The following ANO10 variants were observed in gnomAD, a reference collection of about 807,000 sequenced individuals.
ANO10 encodes the protein anoctamin-10.
Under a neutral mutation model 74.7 loss-of-function variants are expected in ANO10, and 77 were observed. That is an observed-to-expected ratio of 1.03 (90% CI 0.86 to 1.25). The LOEUF is 1.25. ANO10 is among the 50% of genes most tolerant of loss of function. The pLI, the probability that ANO10 is intolerant of heterozygous loss-of-function variation, is 0.00. For synonymous variants in ANO10, 279 were observed against 284.9 expected, an observed-to-expected ratio of 0.98 and a Z score of 0.21; for missense variants, 721 against 778.1, an observed-to-expected ratio of 0.93 and a Z score of 0.87.
intron 1 of ANO10, among the ~76,000 whole-genome samples, chr3:43,613,266 A>G (rs1223570631): frequency 6.6e-6 from 1 of 152,224 alleles, no homozygotes; most frequent in East Asian, 1.9e-4. Context: ...GGTTCAATGA[A>G]GGAAATCAGA....
intron 12 of ANO10, among the ~76,000 whole-genome samples, chr3:43,418,543 T>G (rs1458034961): frequency 6.6e-6 from 1 of 152,208 alleles, no homozygotes; most frequent in Non-Finnish European, 1.5e-5. Context: ...GAACCCCAAC[T>G]TACTCATCAC....
chr3:43,422,397 T>C (rs1478640260), intron 12 of ANO10, among the ~76,000 whole-genome samples: 2 of 152,160 alleles, frequency 1.3e-5, no homozygotes, highest in Non-Finnish European at 2.9e-5. Context: ...TTACAGGTGT[T>C]AGCCACCGCG....
chr3:43,526,696 G>GC (rs1034806365), intron 11 of ANO10, among the ~76,000 whole-genome samples: 1 of 152,054 alleles, frequency 6.6e-6, no homozygotes. Context: ...ACTTCATTCA[G>GC]CCTAACATTC....
intron 9 of ANO10, among the ~76,000 whole-genome samples, chr3:43,556,516 C>T (rs773608262): frequency 1.1e-4 from 16 of 152,160 alleles, no homozygotes; most frequent in Non-Finnish European, 1.8e-4. Context: ...TACACGTTAA[C>T]ACTGTATCAG....
intron 4 of ANO10, among the ~76,000 whole-genome samples, chr3:43,592,840 C>T (rs1168871054): frequency 6.6e-6 from 1 of 152,122 alleles, no homozygotes; most frequent in Non-Finnish European, 1.5e-5. Flanking sequence ...CCATCGCAAA[C>T]AAGCTAAAAA....
chr3:43,546,673 G>A (rs956699717), intron 11 of ANO10, among the ~76,000 whole-genome samples: 1 of 151,742 alleles, frequency 6.6e-6, no homozygotes, highest in African/African-American at 2.4e-5. Context: ...TCAGTATATG[G>A]GCTCAATAGT....
chr3:43,648,663 T>G (rs2149567185), intron 1 of ANO10, among the ~76,000 whole-genome samples: 1 of 150,154 alleles, frequency 6.7e-6, no homozygotes, highest in South Asian at 2.1e-4. Context: ...TTTTGGTGGG[T>G]TTTAGCCCGC....
At chr3:43,389,417 C>A (rs2092216440) in intron 12 of ANO10, among the ~76,000 whole-genome samples, 1 of 152,180 alleles carries the variant, frequency 6.6e-6, no homozygotes, top group African/African-American at 2.4e-5. Context: ...GTTTTAGGAG[C>A]TCATGGTCAG....
intron 12 of ANO10, among the ~76,000 whole-genome samples, chr3:43,398,669 T>G (rs577260991): frequency 7.5e-4 from 115 of 152,348 alleles, no homozygotes; most frequent in African/African-American, 2.6e-3. Flanking sequence ...GCCTGCTTGT[T>G]ACAATACTAA....
chr3:43,622,039 T>A (rs1259314291), upstream of ANO10: 1 of 148,234 alleles, frequency 6.7e-6, no homozygotes, highest in African/African-American at 2.5e-5. Flanking sequence ...GCGCTGGGCG[T>A]GGCGGACGCG....
At chr3:43,476,610 T>C (rs2076074887) in intron 11 of ANO10, among the ~76,000 whole-genome samples, 1 of 152,202 alleles carries the variant, frequency 6.6e-6, no homozygotes, top group Non-Finnish European at 1.5e-5. Context: ...CCTTTTCCTT[T>C]TCTTGGTTTA....
upstream of ANO10, among the ~76,000 whole-genome samples, chr3:43,626,500 C>T (rs1345138347): frequency 6.6e-6 from 1 of 151,672 alleles, no homozygotes; most frequent in Non-Finnish European, 1.5e-5. Flanking sequence ...TGTGTTTCAC[C>T]ATGTTGGCCA....
At chr3:43,501,876 C>T (rs932893541) in intron 11 of ANO10, among the ~76,000 whole-genome samples, 5 of 152,282 alleles carry the variant, frequency 3.3e-5, no homozygotes, top group East Asian at 1.9e-4. Flanking sequence ...AATTACTTCA[C>T]CCACATCCTA....
At chr3:43,597,623 C>T (rs539192777) in intron 4 of ANO10, among the ~76,000 whole-genome samples, 70 of 151,056 alleles carry the variant, frequency 4.6e-4, no homozygotes, top group Admixed American at 4.2e-3. Context: ...AGGGTGGGGG[C>T]ATGGGGGAGG....
At chr3:43,383,320 G>A (rs547424835) in intron 12 of ANO10, among the ~76,000 whole-genome samples, 6 of 152,062 alleles carry the variant, frequency 3.9e-5, no homozygotes, top group African/African-American at 1.2e-4. Flanking sequence ...TGGGCATGGT[G>A]GCAGGTGCCT....
At chr3:43,437,008 C>T (rs1054913406) in intron 11 of ANO10, among the ~76,000 whole-genome samples, 1 of 152,098 alleles carries the variant, frequency 6.6e-6, no homozygotes, top group Non-Finnish European at 1.5e-5. Flanking sequence ...AAAAGGTATC[C>T]TCTGCTGATT....
intron 11 of ANO10, among the ~76,000 whole-genome samples, chr3:43,525,021 C>A (rs933721273): frequency 6.6e-6 from 1 of 152,162 alleles, no homozygotes; most frequent in Non-Finnish European, 1.5e-5. Context: ...TGAGAACCAT[C>A]CTCCAAGTTG....
chr3:43,677,700 CTGGTGCCTTGG>C (rs1407485695), intron 1 of ANO10, among the ~76,000 whole-genome samples: 1 of 152,200 alleles, frequency 6.6e-6, no homozygotes, highest in Non-Finnish European at 1.5e-5. Context: ...ACTCATAAGT[CTGGTGCCTTGG>C]TGCTCTGCAC....
rs1272916097 is a variant in ANO10, at chr3:43,574,911, C to T, written c.1163-47G>A. 6.6e-6 allele frequency: 10 copies of T among 1,524,222 alleles called. No individual in the cohort carries two copies. The East Asian group carries it at 9.0e-5, about 14-fold the overall frequency. 94.4% of individuals were successfully genotyped at this position (1,524,222 alleles called of 1,614,324 possible). On this transcript the variant is annotated intron_variant, in intron 6 of 12. Transcript: ENST00000292246. ...GTAACTTCTCAGTAAGAAAACAATA[C>T]GAAAGCACTGTTATGAGGTAAAGTG... is the stretch of plus-strand genomic sequence containing the variant.
Sources: gnomAD v4.1 joint callset for allele counts (sites outside exome capture counted in the v4.1 genomes callset) on GRCh38, gnomAD v4.1.1 for gene constraint, MANE v1.5 for transcripts, NCBI Gene and HGNC (gene_info 2026-07-23, HGNC 2026-07-21) for gene names.